Variants in UGT1A10 observed in about 807,000 individuals in gnomAD.
The protein encoded by UGT1A10 is UDP glucuronosyltransferase family 1 member A10, also known as UDP-glucuronosyltransferase 1A10.
In UGT1A10, 49 loss-of-function variants were observed where a neutral mutation model predicts 45.8. The ratio of observed to expected loss-of-function variants is 1.07; its 90% confidence interval spans 0.85 to 1.36. The LOEUF is 1.36. Among genes scored for constraint, UGT1A10 ranks in the 40% most tolerant of loss-of-function variants. UGT1A10 has a pLI of 0.00. For synonymous variants in UGT1A10, 284 were observed against 249.7 expected (o/e 1.14, Z -1.29); for missense variants, 745 against 668.6 (o/e 1.11, Z -1.26).
chr2:233,673,065 A>G (rs1405138738), intron 1 of UGT1A10, among the ~76,000 whole-genome samples: 1 of 152,220 alleles, frequency 6.6e-6, no homozygotes, highest in African/African-American at 2.4e-5. Flanking sequence ...AAACCACAGT[A>G]AGAAATGAAA....
intron 1 of UGT1A10, chr2:233,755,082 TCGCGTTTCTA>T (rs745681833): frequency 9.0e-6 from 12 of 1,336,714 alleles, no homozygotes; most frequent in Middle Eastern, 2.1e-4. Context: ...GTCATAGATA[TCGCGTTTCTA>T]CGCGTCCGAC....
Position 233,712,878 on chromosome 2 carries a change from C to T in UGT1A10, c.856-54156C>T, listed in dbSNP as rs555357132. ...TAACTGGAGGAGGGCACTCTGTCTT[C>T]AATTACATGTTGATTTGCTAGGTGT... On this transcript the variant is annotated intron_variant, in intron 1 of 4. Transcript: ENST00000344644. The T allele has an allele frequency of 2.2e-5, 35 of 1,595,112 alleles. No homozygotes were observed. The African/African-American group carries it at 3.5e-4, about 16-fold the overall frequency.
intron 1 of UGT1A10, among the ~76,000 whole-genome samples, chr2:233,756,791 A>C (rs1696326658): frequency 6.6e-6 from 1 of 152,088 alleles, no homozygotes; most frequent in Non-Finnish European, 1.5e-5. Context: ...ATTGTGGGGC[A>C]ATACACTAGT....
chr2:233,648,562 G>A (rs563356418), intron 1 of UGT1A10: 29 of 189,798 alleles, frequency 1.5e-4, no homozygotes, highest in East Asian at 2.9e-4. Context: ...CCGGGTTCAC[G>A]CCATTCCTCT....
At chr2:233,692,914 G>T in intron 1 of UGT1A10, 1 of 1,561,786 alleles carries the variant, frequency 6.4e-7, no homozygotes, top group Non-Finnish European at 8.6e-7. Flanking sequence ...CCTGTGAAAA[G>T]CAGTGGTTAG....
chr2:233,719,869 A>G (rs1253818666), intron 1 of UGT1A10, among the ~76,000 whole-genome samples: 1 of 152,178 alleles, frequency 6.6e-6, no homozygotes, highest in Non-Finnish European at 1.5e-5. Flanking sequence ...ACTGAGAGGA[A>G]GAAGAGGCAC....
intron 1 of UGT1A10, chr2:233,718,892 C>T (rs775726544): frequency 6.2e-7 from 1 of 1,614,020 alleles, no homozygotes; most frequent in South Asian, 1.1e-5. Flanking sequence ...GTGTCCAGCC[C>T]TGGGCTGAGA....
At chr2:233,716,112 T>C (rs2076486973) in intron 1 of UGT1A10, among the ~76,000 whole-genome samples, 1 of 152,226 alleles carries the variant, frequency 6.6e-6, no homozygotes, top group Admixed American at 6.5e-5. Context: ...ATTTAGTTTT[T>C]CCATCTTAGT....
At chr2:233,658,955 G>A (rs2741043) in intron 1 of UGT1A10, among the ~76,000 whole-genome samples, 115,784 of 152,050 alleles carry the variant, frequency 0.76, 44,210 homozygotes, top group Non-Finnish European at 0.8. Flanking sequence ...GAATTTTAGA[G>A]TCAGTTTGCC....
At chr2:233,718,130 T>TCTA in intron 1 of UGT1A10, 1 of 281,256 alleles carries the variant, frequency 3.6e-6, no homozygotes, top group Non-Finnish European at 7.1e-6. Context: ...ATGGTGTAGA[T>TCTA]GGAGAATCCT....
chr2:233,716,592 A>T (rs953588234), intron 1 of UGT1A10, among the ~76,000 whole-genome samples: 3 of 152,124 alleles, frequency 2.0e-5, no homozygotes, highest in African/African-American at 7.2e-5. Context: ...AAAGAGCAAA[A>T]ATTTTAGAAT....
chr2:233,687,123 C>T (rs1356215553), intron 1 of UGT1A10, among the ~76,000 whole-genome samples: 7 of 152,126 alleles, frequency 4.6e-5, no homozygotes, highest in East Asian at 3.8e-4. Flanking sequence ...AAAAACTCAG[C>T]GTTATCTAGA....
intron 1 of UGT1A10, among the ~76,000 whole-genome samples, chr2:233,652,618 T>C (rs2073767094): frequency 6.6e-6 from 1 of 152,190 alleles, no homozygotes; most frequent in South Asian, 2.1e-4. Context: ...CAAAAATGTC[T>C]TGTACATGCA....
At chr2:233,755,100 G>T (rs920872791) in intron 1 of UGT1A10, 1 of 1,335,078 alleles carries the variant, frequency 7.5e-7, no homozygotes, top group Non-Finnish European at 1.0e-6. Context: ...CTACGCGTCC[G>T]ACAACACCTC....
At chr2:233,674,442 G>A (rs1309650448) in intron 1 of UGT1A10, among the ~76,000 whole-genome samples, 2 of 152,062 alleles carry the variant, frequency 1.3e-5, no homozygotes, top group South Asian at 2.1e-4. Context: ...CTTATGTGTT[G>A]CCTGCACCCC....
chr2:233,739,438 T>G (rs1285921869), intron 1 of UGT1A10, among the ~76,000 whole-genome samples: 1 of 152,226 alleles, frequency 6.6e-6, no homozygotes, highest in Non-Finnish European at 1.5e-5. Context: ...GGCTTTACCC[T>G]GCAAAGCCAC....
At chr2:233,640,007 A>G (rs1411927623) in intron 1 of UGT1A10, among the ~76,000 whole-genome samples, 5 of 152,324 alleles carry the variant, frequency 3.3e-5, no homozygotes, top group Admixed American at 2.6e-4. Context: ...GGCTTCATCT[A>G]TACCATCCAT....
At chr2:233,686,864 T>A (rs997443373) in intron 1 of UGT1A10, among the ~76,000 whole-genome samples, 2 of 152,226 alleles carry the variant, frequency 1.3e-5, no homozygotes, top group Admixed American at 6.5e-5. Flanking sequence ...GTCTTTCCTT[T>A]CTGTCACTTT....
chr2:233,713,461 G>C, intron 1 of UGT1A10: 1 of 1,614,080 alleles, frequency 6.2e-7, no homozygotes, highest in Non-Finnish European at 8.5e-7. Context: ...TTTCACCTCT[G>C]CGCGGCGGTG....
Sources: gnomAD v4.1 joint callset for allele counts (sites outside exome capture counted in the v4.1 genomes callset) on GRCh38, gnomAD v4.1.1 for gene constraint, MANE v1.5 for transcripts, NCBI Gene and HGNC (gene_info 2026-07-23, HGNC 2026-07-21) for gene names.